MSANTD2: variants seen among roughly 807,000 people sequenced by gnomAD.
MSANTD2 encodes the protein Myb/SANT DNA binding domain containing 2, also known as myb/SANT-like DNA-binding domain-containing protein 2.
Under a neutral mutation model 52.6 loss-of-function variants are expected in MSANTD2, and 19 were observed. That is an observed-to-expected ratio of 0.36 (90% CI 0.25 to 0.53). The LOEUF (loss-of-function observed/expected upper bound fraction) is 0.53, where lower values mean the gene tolerates loss of function less well. Ranked by LOEUF, MSANTD2 falls within the 20% of genes least tolerant of loss-of-function variation. The pLI is 0.91. For missense variants in MSANTD2, 558 were observed against 716.3 expected (o/e 0.78, Z 2.52); for synonymous variants, 291 against 289.7 (o/e 1.00, Z -0.04).
chr11:124,797,401 G>A (rs1405701637), intron 1 of MSANTD2, among the ~76,000 whole-genome samples: 8 of 152,210 alleles, frequency 5.3e-5, no homozygotes, highest in African/African-American at 1.9e-4. Context: ...GGAAGCTGAG[G>A]TGGGAGCATC....
chr11:124,775,119 T>G, intron 1 of MSANTD2, 145 bp from the exon 2 acceptor site: 3 of 684,282 alleles, frequency 4.4e-6, no homozygotes, highest in South Asian at 4.9e-5. Context: ...AAATTCATTA[T>G]TATATTAGAA....
In MSANTD2 at chr11:124,774,800, T is replaced by A; in HGVS notation, c.685A>T (p.Ser229Cys). 6.2e-7 allele frequency: 1 copy of A among 1,614,244 alleles called. No homozygotes were observed. The highest frequency in any genetic ancestry group is 8.5e-7 in the Non-Finnish European group (1 of 1,180,042). The part of the protein sequence containing the change: ...GLYQELESDG[S>C]TMEDYSQEDW... The stretch of plus-strand genomic sequence containing the variant: ...TCCTGTGAATAGTCCTCCATAGTGC[T>A]GCCATCTGACTCCAGCTCCTGGTAC... The change falls in exon 2 of 4, where the codon AGC (serine) becomes TGC (cysteine). Residue 229 changes from serine to cysteine, a missense_variant. Physicochemically the swap from Ser to Cys is moderately radical, Grantham distance 112. Transcript: ENST00000374979. This position sits in a 1 kb window ranked among gnomAD's most constrained non-coding sequence, Gnocchi z 5.1.
intron 1 of MSANTD2, among the ~76,000 whole-genome samples, chr11:124,795,619 G>A (rs1945469599): frequency 6.6e-6 from 1 of 152,190 alleles, no homozygotes; most frequent in Non-Finnish European, 1.5e-5. Context: ...ACTCATTGAT[G>A]TATGTACACA....
chr11:124,784,205 C>T (rs1945082493), intron 1 of MSANTD2: 3 of 985,224 alleles, frequency 3.0e-6, no homozygotes, highest in East Asian at 1.1e-4. Context: ...GGATTAGAGG[C>T]TATTTTCATT....
intron 1 of MSANTD2, among the ~76,000 whole-genome samples, chr11:124,780,621 C>G (rs960901214): frequency 2.6e-5 from 4 of 152,152 alleles, no homozygotes; most frequent in Non-Finnish European, 5.9e-5. Context: ...CACTAAAGAA[C>G]CCATACAAGA....
At chr11:124,784,770 A>G in intron 1 of MSANTD2, 5 of 659,498 alleles carry the variant, frequency 7.6e-6, no homozygotes, top group Non-Finnish European at 9.4e-6. Context: ...GGTTATGAGA[A>G]AAAGAATCCT....
Position 124,767,304 on chromosome 11 carries a change from C to T in MSANTD2, c.1552G>A (p.Asp518Asn). The change falls in exon 4 of 4, where the codon GAT becomes AAT. Residue 518 changes from aspartate to asparagine, a missense_variant. Coordinates refer to ENST00000374979, the MANE Select transcript of MSANTD2 (RefSeq NM_001308027.2). The surrounding 1 kb of genome is among the most constrained non-coding windows in gnomAD (Gnocchi z 6.5). ...ATGGATTTGGGGGAAACTCCGGGAT[C>T]CACAATACAGTTCTGAGACAAAAAC... ...NGFLSQNCIV[D>N]PGVSPKSIYI... The T allele has an allele frequency of 6.2e-7, 1 of 1,614,218 alleles. No individual in the cohort carries two copies.
Position 124,767,729 on chromosome 11 carries a change from A to G in MSANTD2, c.1127T>C (p.Leu376Ser). ...CCTAGCTTCGCTAATAGTGATCTCT[A>G]AAAATTTGTAGTAAACATTTTTCCA... ...MNWKNVYYKF[L>S]EITISEARCL... Residue 376 changes from leucine (L) to serine (S), a missense_variant, in exon 4 of 4, where the codon TTA becomes TCA. By Grantham distance (145) the Leu-to-Ser change is moderately radical (BLOSUM62 -2). This residue lies in a region of MSANTD2 where 408 missense variants were observed against 573.6 expected (regional missense o/e 0.71). Coordinates refer to ENST00000374979, the MANE Select transcript of MSANTD2 (RefSeq NM_001308027.2). The surrounding 1 kb of genome is among the most constrained non-coding windows in gnomAD (Gnocchi z 6.5). 1 of 1,614,232 alleles carries G rather than the reference A, an allele frequency of 6.2e-7. No individual in the cohort carries two copies. The highest frequency in any genetic ancestry group is 8.5e-7 in the Non-Finnish European group (1 of 1,180,024).
intron 1 of MSANTD2, among the ~76,000 whole-genome samples, chr11:124,788,130 G>C (rs1007672398): frequency 2.4e-4 from 36 of 149,698 alleles, no homozygotes; most frequent in African/African-American, 8.6e-4. Flanking sequence ...AAGATTTATA[G>C]CCTTGGCAAG....
intron 2 of MSANTD2, chr11:124,773,292 G>A (rs747825863): frequency 1.3e-5 from 4 of 319,384 alleles, no homozygotes; most frequent in Non-Finnish European, 2.3e-5. Context: ...AAGGTCACCA[G>A]TGGATTTCTA....
chr11:124,791,529 G>A (rs537088217), intron 1 of MSANTD2: 14 of 1,141,586 alleles, frequency 1.2e-5, no homozygotes, highest in South Asian at 6.5e-5. Context: ...TAAATGAAAC[G>A]ACAGAAGGGT....
rs375052249 is a variant in MSANTD2 at position 124,773,054 on chromosome 11, T to C, written c.767A>G (p.Asp256Gly). 3 of 1,582,494 alleles carry C rather than the reference T, an allele frequency of 1.9e-6. No homozygotes were observed. Among genetic ancestry groups the C allele is most frequent in the Non-Finnish European group, 2.6e-6 (3 of 1,152,022 alleles). Residue 256 changes from aspartate (D) to glycine (G), a missense_variant and splice_region_variant, in exon 3 of 4, where the codon GAT becomes GGT. This residue lies in a region of MSANTD2 where 408 missense variants were observed against 573.6 expected (regional missense o/e 0.71). Transcript: ENST00000374979. Reference sequence around the variant, plus strand: ...TGTTCTCTTTGTGACAGGTATTTCATCTGAAAAGCAAAGATTTTGAAAAAA... The same window carrying C: ...TGTTCTCTTTGTGACAGGTATTTCACCTGAAAAGCAAAGATTTTGAAAAAA... ...LHGYPTDQELDEIPVTKRTLK... is the reference protein window; with the variant it reads ...LHGYPTDQELGEIPVTKRTLK...
intron 1 of MSANTD2, among the ~76,000 whole-genome samples, chr11:124,797,199 A>G (rs12098957): frequency 0.035 from 5,395 of 152,290 alleles, 311 homozygotes; most frequent in African/African-American, 0.12. Context: ...AATTAATTAA[A>G]TAAGGCCGGA....
intron 3 of MSANTD2, among the ~76,000 whole-genome samples, chr11:124,768,747 C>G (rs1944395749): frequency 6.6e-6 from 1 of 152,112 alleles, no homozygotes; most frequent in Non-Finnish European, 1.5e-5. Context: ...GAGCAACATT[C>G]AAGATAATAA....
At chr11:124,790,432 T>C (rs953484159) in intron 1 of MSANTD2, 2 of 152,194 alleles carry the variant, frequency 1.3e-5, no homozygotes, top group African/African-American at 2.4e-5. Context: ...GGTAGAGAAG[T>C]AGATAGTGAG....
chr11:124,773,677 T>TTAAAACAACATTGC (rs1294052325), intron 2 of MSANTD2, among the ~76,000 whole-genome samples: 1 of 152,260 alleles, frequency 6.6e-6, no homozygotes, highest in Non-Finnish European at 1.5e-5. Context: ...AAGAGTATTT[T>TTAAAACAACATTGC]TAAAACAACA....
At chr11:124,786,095 C>CTTTTTTTTTT (rs200399771) in intron 1 of MSANTD2, among the ~76,000 whole-genome samples, 6 of 114,392 alleles carry the variant, frequency 5.2e-5, no homozygotes, top group Non-Finnish European at 7.1e-5. Flanking sequence ...ATCATTTCTT[C>CTTTTTTTTTT]TTTTTTTTTT....
chr11:124,781,684 G>C (rs896196517), intron 1 of MSANTD2, among the ~76,000 whole-genome samples: 18 of 139,536 alleles, frequency 1.3e-4, no homozygotes, highest in African/African-American at 4.9e-4. Context: ...ACAGATTCTC[G>C]CTCTGTCGCC....
intron 1 of MSANTD2, chr11:124,789,469 C>T (rs913052469): frequency 6.6e-6 from 1 of 151,952 alleles, no homozygotes; most frequent in African/African-American, 2.4e-5. Flanking sequence ...TATTTGATAG[C>T]CCAAAATATA....
Sources: allele counts gnomAD v4.1 joint callset (sites outside exome capture counted in the v4.1 genomes callset), GRCh38; gene constraint gnomAD v4.1.1; regional missense constraint gnomAD v4.1.1; non-coding constraint Gnocchi (gnomAD v3.1); transcripts MANE v1.5; gene names NCBI Gene and HGNC (gene_info 2026-07-23, HGNC 2026-07-21).